SLC6A20: variants seen among roughly 807,000 people sequenced by gnomAD.
SLC6A20 encodes solute carrier family 6 member 20, also known as sodium- and chloride-dependent transporter XTRP3.
A neutral mutation model predicts 64.3 loss-of-function variants in SLC6A20; 73 were observed. The observed-to-expected ratio is 1.14, with a 90% confidence interval of 0.94 to 1.38. SLC6A20 has a LOEUF of 1.38. SLC6A20 is among the 40% of genes most tolerant of loss of function. The pLI is 0.00. For missense variants in SLC6A20, 725 were observed against 772.8 expected (o/e 0.94, Z 0.73); for synonymous variants, 347 against 329.6 (o/e 1.05, Z -0.57).
At chr3:45,787,475 T>C (rs1700188745) in intron 1 of SLC6A20, among the ~76,000 whole-genome samples, 1 of 152,190 alleles carries the variant, frequency 6.6e-6, no homozygotes, top group South Asian at 2.1e-4. Context: ...ACTTGGTGTC[T>C]GCCTCTCTAC....
At chr3:45,763,402 G>C (rs893060721) in intron 8 of SLC6A20, among the ~76,000 whole-genome samples, 1 of 152,182 alleles carries the variant, frequency 6.6e-6, no homozygotes, top group South Asian at 2.1e-4. Flanking sequence ...CAGGCTGTGG[G>C]TCTACAATTA....
At chr3:45,791,591 A>G (rs569039660) in intron 1 of SLC6A20, 50 of 152,622 alleles carry the variant, frequency 3.3e-4, no homozygotes, top group African/African-American at 1.2e-3. Context: ...GAAATACCTC[A>G]AACTGGGTAA....
At chr3:45,786,054 C>T (rs1019784386) in intron 1 of SLC6A20, among the ~76,000 whole-genome samples, 4 of 152,146 alleles carry the variant, frequency 2.6e-5, no homozygotes, top group African/African-American at 9.7e-5. Flanking sequence ...CAGACACAAA[C>T]AGTAAAGGAA....
At chr3:45,772,141 T>C (rs1020640458) in intron 5 of SLC6A20, 1 of 227,148 alleles carries the variant, frequency 4.4e-6, no homozygotes. Flanking sequence ...CGTGGAACCA[T>C]GTAAGCAGGC....
chr3:45,772,415 C>T (rs1699888350), intron 5 of SLC6A20, 90 bp downstream of exon 5: 1 of 1,212,090 alleles, frequency 8.3e-7, no homozygotes, highest in African/African-American at 1.5e-5. Context: ...AGCGTTGGCC[C>T]ACTCTCCACC....
intron 9 of SLC6A20, among the ~76,000 whole-genome samples, chr3:45,761,071 C>T (rs746315366): frequency 5.3e-5 from 8 of 152,220 alleles, no homozygotes; most frequent in Non-Finnish European, 8.8e-5. Context: ...GGCTGTGTGG[C>T]GACCACCACC....
In SLC6A20 at chr3:45,756,356, T is replaced by G. The variant is rs554833636; in HGVS notation, c.*2622A>C. 6.6e-6 allele frequency: 1 copy of G among 152,292 alleles called. No homozygotes were observed. The highest frequency in any genetic ancestry group is 2.1e-4 in the South Asian group (1 of 4,818). 9.4% of individuals were successfully genotyped at this position (152,292 alleles called of 1,614,324 possible). ...ACTCGGTGCTGTGTTTGCCATTGAG[T>G]GTGCCGGCTCTTCAAGCCTTGACAG... On this transcript the variant is annotated 3_prime_UTR_variant, in exon 11 of 11. Coordinates refer to ENST00000358525, the MANE Select transcript of SLC6A20 (RefSeq NM_020208.4).
At chr3:45,770,124 G>A (rs546878171) in intron 7 of SLC6A20, 85 bp downstream of exon 7, 354 of 1,551,848 alleles carry the variant, frequency 2.3e-4, no homozygotes, top group East Asian at 1.2e-3. Context: ...TACAGACCTC[G>A]CCTATCTCCC....
At chr3:45,796,255 C>A in intron 1 of SLC6A20, 44 bp downstream of exon 1, 1 of 1,563,852 alleles carries the variant, frequency 6.4e-7, no homozygotes, top group Non-Finnish European at 8.7e-7. Context: ...ACGGCGGGGA[C>A]GCGCACAGAG....
intron 1 of SLC6A20, chr3:45,791,781 C>T (rs1019900267): frequency 6.6e-6 from 1 of 152,186 alleles, no homozygotes; most frequent in Non-Finnish European, 1.5e-5. Context: ...TTTTAAATAA[C>T]CAGATCTCAC....
rs1423748704 is a variant in SLC6A20, at chr3:45,755,889, C to T, written c.*3089G>A. 6.6e-6 allele frequency: 1 copy of T among 152,512 alleles called. No homozygotes were observed. The highest frequency in any genetic ancestry group is 1.9e-4 in the East Asian group (1 of 5,202). 9.4% of individuals were successfully genotyped at this position (152,512 alleles called of 1,614,324 possible). A position where few individuals can be genotyped will look rare whatever the true frequency, so the allele number is the denominator to read the frequency against. The stretch of plus-strand genomic sequence containing the variant: ...CAAAAACTATTCCGTAGAAGTAACT[C>T]TTCCATATAATTGGAAATGCTCAAA... On this transcript the variant is annotated 3_prime_UTR_variant, in exon 11 of 11. Transcript: ENST00000358525.
chr3:45,793,685 AT>A (rs1289507556), intron 1 of SLC6A20, among the ~76,000 whole-genome samples: 1 of 152,114 alleles, frequency 6.6e-6, no homozygotes, highest in Non-Finnish European at 1.5e-5. Flanking sequence ...TCTGGGAAGT[AT>A]TTTGGCACAG....
chr3:45,776,286 A>C (rs1391085496), intron 3 of SLC6A20, among the ~76,000 whole-genome samples: 1 of 152,052 alleles, frequency 6.6e-6, no homozygotes, highest in East Asian at 1.9e-4. Flanking sequence ...CAAATGGACC[A>C]CAGCCAGGCC....
At position 45,765,547 on chromosome 3, in the gene SLC6A20, C is replaced by T. The variant is rs773656152; in HGVS notation, c.1293G>A (p.Glu431=). Residue 431 remains glutamate, a synonymous_variant, in exon 8 of 11, where the codon GAG becomes GAA. Coordinates refer to ENST00000358525, the MANE Select transcript of SLC6A20 (RefSeq NM_020208.4). The surrounding 1 kb of genome is among the most constrained non-coding windows in gnomAD (Gnocchi z 4.2). The part of the protein sequence containing the change: ...SKIISSHLPK[E]AISGLVCLVN... ...GCTGGCCCCGCTGACCTGAGATGGC[C>T]TCCTTGGGCAGGTGGCTGGAGATGA... 4 of 1,613,002 alleles carry T rather than the reference C, an allele frequency of 2.5e-6. No individual in the cohort carries two copies. The South Asian group carries it at 3.3e-5, about 13-fold the overall frequency.
intron 3 of SLC6A20, among the ~76,000 whole-genome samples, chr3:45,779,105 C>T (rs908943586): frequency 3.9e-5 from 6 of 152,344 alleles, no homozygotes; most frequent in Admixed American, 3.9e-4. Flanking sequence ...TGCTTGCGGA[C>T]CTTGGGGACA....
intron 1 of SLC6A20, among the ~76,000 whole-genome samples, chr3:45,787,462 T>A (rs1480474206): frequency 6.6e-6 from 1 of 152,140 alleles, no homozygotes; most frequent in Non-Finnish European, 1.5e-5. Context: ...ATTTTCTTTG[T>A]TTACTTGGTG....
intron 1 of SLC6A20, among the ~76,000 whole-genome samples, chr3:45,794,551 C>CT: frequency 6.6e-6 from 1 of 152,312 alleles, no homozygotes; most frequent in Middle Eastern, 3.4e-3. Flanking sequence ...CTTCTTGTTT[C>CT]TTTTTCTTGG....
rs962213955 is a variant in SLC6A20, at chr3:45,755,993, TG to T, written c.*2984del. On this transcript the variant is annotated 3_prime_UTR_variant, in exon 11 of 11. Transcript: ENST00000358525. ...CCACCCATGTTCTTTCTTTTTTAAA[TG>T]GGGCCTCTCAGATTTGGCTGCACAT... is the stretch of plus-strand genomic sequence containing the variant. 1 of 152,210 alleles carries T rather than the reference TG, an allele frequency of 6.6e-6. No homozygotes were observed. The highest frequency in any genetic ancestry group is 1.5e-5 in the Non-Finnish European group (1 of 68,034). The allele number at this position is 152,210 out of a possible 1,614,324, so 9.4% of individuals were successfully genotyped here. A position where few individuals can be genotyped will look rare whatever the true frequency, so the allele number is the denominator to read the frequency against.
chr3:45,788,216 A>G (rs1173064914), intron 1 of SLC6A20, among the ~76,000 whole-genome samples: 1 of 151,412 alleles, frequency 6.6e-6, no homozygotes, highest in Non-Finnish European at 1.5e-5. Flanking sequence ...ATTTTTTGCT[A>G]GGGGAGATCC....
Sources: allele counts gnomAD v4.1 joint callset (sites outside exome capture counted in the v4.1 genomes callset), GRCh38; gene constraint gnomAD v4.1.1; non-coding constraint Gnocchi (gnomAD v3.1); transcripts MANE v1.5; gene names NCBI Gene and HGNC (gene_info 2026-07-23, HGNC 2026-07-21).